ROR2: variants seen among roughly 807,000 people sequenced by gnomAD.
ROR2 encodes tyrosine-protein kinase transmembrane receptor ROR2.
In ROR2, 33 loss-of-function variants were observed where a neutral mutation model predicts 74.9. That is an observed-to-expected ratio of 0.44 (90% CI 0.33 to 0.59). The LOEUF (loss-of-function observed/expected upper bound fraction) is 0.59, where lower values mean the gene tolerates loss of function less well. ROR2 is among the 20% of genes least tolerant of loss of function. The probability of loss-of-function intolerance (pLI) is 0.02; values close to 1 mark genes in which losing one functional copy is unlikely to be tolerated. For missense variants in ROR2, 1,216 were observed against 1,313.8 expected (o/e 0.93, Z 1.15); for synonymous variants, 586 against 558.7 (o/e 1.05, Z -0.69).
At chr9:91,777,389 C>CCACA (rs112876626) in intron 1 of ROR2, among the ~76,000 whole-genome samples, 107 of 149,946 alleles carry the variant, frequency 7.1e-4, no homozygotes, top group Admixed American at 4.1e-3. Context: ...AACAAAACTG[C>CCACA]CACACACACA....
chr9:91,861,390 G>A (rs146798490), intron 1 of ROR2, among the ~76,000 whole-genome samples: 1 of 152,284 alleles, frequency 6.6e-6, no homozygotes, highest in Non-Finnish European at 1.5e-5. Context: ...AAGTAGTATG[G>A]TACTAGTATA....
intron 8 of ROR2, among the ~76,000 whole-genome samples, chr9:91,726,112 C>T (rs1837020764): frequency 6.6e-6 from 1 of 152,226 alleles, no homozygotes; most frequent in South Asian, 2.1e-4. Flanking sequence ...TGTCCACCTA[C>T]TCCCATTTAA....
chr9:91,873,227 G>A (rs988388708), intron 1 of ROR2, among the ~76,000 whole-genome samples: 4 of 152,132 alleles, frequency 2.6e-5, no homozygotes, highest in Admixed American at 2.0e-4. Context: ...CTGCCTGTGT[G>A]CATCGGGCCC....
intron 1 of ROR2, among the ~76,000 whole-genome samples, chr9:91,926,525 G>A (rs1483000317): frequency 3.7e-5 from 5 of 134,408 alleles, no homozygotes; most frequent in South Asian, 2.4e-4. Context: ...CAGCCTGGGC[G>A]ACAGAATGAC....
At chr9:91,841,769 G>A (rs550823788) in intron 1 of ROR2, among the ~76,000 whole-genome samples, 1 of 152,156 alleles carries the variant, frequency 6.6e-6, no homozygotes, top group Non-Finnish European at 1.5e-5. Flanking sequence ...AGCCTGGTGG[G>A]GTTTGCACCA....
chr9:91,805,959 C>T (rs763863565), intron 1 of ROR2, among the ~76,000 whole-genome samples: 10 of 152,144 alleles, frequency 6.6e-5, no homozygotes, highest in East Asian at 1.9e-4. Flanking sequence ...TAAGTATATT[C>T]GGGCAGTTGA....
At chr9:91,819,298 C>G (rs1408123942) in intron 1 of ROR2, among the ~76,000 whole-genome samples, 1 of 152,250 alleles carries the variant, frequency 6.6e-6, no homozygotes, top group Non-Finnish European at 1.5e-5. Flanking sequence ...AGAGCTGTCG[C>G]TGCACAGAGA....
intron 1 of ROR2, among the ~76,000 whole-genome samples, chr9:91,799,002 A>C (rs112076032): frequency 6.6e-6 from 1 of 152,148 alleles, no homozygotes; most frequent in Non-Finnish European, 1.5e-5. Flanking sequence ...TTCCACACAG[A>C]AACACCAAGC....
chr9:91,918,912 C>T (rs1228355069), intron 1 of ROR2, among the ~76,000 whole-genome samples: 6 of 152,108 alleles, frequency 3.9e-5, no homozygotes, highest in African/African-American at 7.2e-5. Flanking sequence ...TAAGCCCACA[C>T]GTACACAGCC....
At chr9:91,800,458 A>G (rs1827338513) in intron 1 of ROR2, among the ~76,000 whole-genome samples, 1 of 152,142 alleles carries the variant, frequency 6.6e-6, no homozygotes, top group Non-Finnish European at 1.5e-5. Flanking sequence ...GGAACATGAC[A>G]GTTGCTGACT....
chr9:91,755,950 G>T, intron 4 of ROR2, 121 bp downstream of exon 4: 1 of 1,046,404 alleles, frequency 9.6e-7, no homozygotes, highest in Non-Finnish European at 1.5e-6. Flanking sequence ...CCTGTGTGAA[G>T]CCCAGCCAAC....
chr9:91,878,788 A>G (rs1830023029), intron 1 of ROR2, among the ~76,000 whole-genome samples: 1 of 152,196 alleles, frequency 6.6e-6, no homozygotes, highest in Admixed American at 6.5e-5. Flanking sequence ...TTAAGAAACA[A>G]AGACGGGGGC....
At chr9:91,800,407 T>C (rs1430338884) in intron 1 of ROR2, among the ~76,000 whole-genome samples, 1 of 151,730 alleles carries the variant, frequency 6.6e-6, no homozygotes, top group African/African-American at 2.4e-5. Flanking sequence ...TGTGGTGTAC[T>C]GCAAAGCACT....
intron 1 of ROR2, among the ~76,000 whole-genome samples, chr9:91,781,990 G>A (rs1041491756): frequency 6.6e-6 from 1 of 152,218 alleles, no homozygotes; most frequent in African/African-American, 2.4e-5. Flanking sequence ...GGGGCCAAAG[G>A]AATATTTAGG....
chr9:91,725,174 A>G, intron 8 of ROR2, 67 bp from the exon 9 acceptor site: 1 of 1,604,848 alleles, frequency 6.2e-7, no homozygotes, highest in Non-Finnish European at 8.5e-7. Flanking sequence ...GCTGCAGAGC[A>G]GCCGGGAGGA....
At chr9:91,793,185 C>T (rs1003355810) in intron 1 of ROR2, among the ~76,000 whole-genome samples, 15 of 152,150 alleles carry the variant, frequency 9.9e-5, no homozygotes, top group Non-Finnish European at 1.8e-4. Context: ...ACAAGCACAT[C>T]TTCCTTGGAG....
intron 2 of ROR2, among the ~76,000 whole-genome samples, chr9:91,775,296 G>A (rs1826382201): frequency 6.6e-6 from 1 of 152,202 alleles, no homozygotes; most frequent in Admixed American, 6.5e-5. Flanking sequence ...AATCTATGGT[G>A]CATTCCTGCA....
At chr9:91,898,438 G>A (rs1830592930) in intron 1 of ROR2, among the ~76,000 whole-genome samples, 1 of 152,128 alleles carries the variant, frequency 6.6e-6, no homozygotes, top group Non-Finnish European at 1.5e-5. Flanking sequence ...GATACTAAAT[G>A]ATCTGCCCAA....
chr9:91,778,462 A>G (rs1258942063), intron 1 of ROR2, among the ~76,000 whole-genome samples: 1 of 151,984 alleles, frequency 6.6e-6, no homozygotes, highest in Non-Finnish European at 1.5e-5. Context: ...TGGTGCAGGC[A>G]CCCTTGCACC....
Sources: allele counts gnomAD v4.1 joint callset (sites outside exome capture counted in the v4.1 genomes callset), GRCh38; gene constraint gnomAD v4.1.1; transcripts MANE v1.5; gene names NCBI Gene and HGNC (gene_info 2026-07-23, HGNC 2026-07-21).